CHODL: variants seen among roughly 807,000 people sequenced by gnomAD.
CHODL encodes the protein chondrolectin, also known as transmembrane protein MT75.
Under a neutral mutation model 34.5 loss-of-function variants are expected in CHODL, and 29 were observed. The ratio of observed to expected loss-of-function variants is 0.84; its 90% CI spans 0.63 to 1.15. The LOEUF (loss-of-function observed/expected upper bound fraction) is 1.15. Among genes scored for constraint, CHODL ranks in the 50% most tolerant of loss-of-function variants. The pLI is 0.00. For synonymous variants in CHODL, 125 were observed against 116.1 expected (o/e 1.08, Z -0.49); for missense variants, 332 against 332.5 (o/e 1.00, Z 0.01).
intron 1 of CHODL, among the ~76,000 whole-genome samples, chr21:17,992,082 T>C (rs1182669951): frequency 6.6e-6 from 1 of 152,182 alleles, no homozygotes; most frequent in East Asian, 1.9e-4. Context: ...GAAGAGACTG[T>C]CCTTTCTTCA....
chr21:18,233,925 CATA>C (rs2074005305), intron 2 of CHODL, among the ~76,000 whole-genome samples: 1 of 151,996 alleles, frequency 6.6e-6, no homozygotes, highest in South Asian at 2.1e-4. Context: ...ATGCAGAATG[CATA>C]ATATTTTAAT....
chr21:18,101,083 C>G (rs2065207308), intron 2 of CHODL, among the ~76,000 whole-genome samples: 1 of 152,044 alleles, frequency 6.6e-6, no homozygotes, highest in South Asian at 2.1e-4. Context: ...TGGGAGGGAC[C>G]CAGTGGGAGA....
At chr21:18,119,701 T>C (rs980391126) in intron 2 of CHODL, among the ~76,000 whole-genome samples, 1 of 152,106 alleles carries the variant, frequency 6.6e-6, no homozygotes, top group Non-Finnish European at 1.5e-5. Flanking sequence ...ATGGAGATTA[T>C]ATAATAGCAG....
chr21:18,205,988 G>A (rs370848747), intron 2 of CHODL, among the ~76,000 whole-genome samples: 1 of 151,924 alleles, frequency 6.6e-6, no homozygotes, highest in Admixed American at 6.6e-5. Context: ...ATTCCACTCT[G>A]GTCAGATAAG....
At chr21:18,154,469 G>A (rs191044818) in intron 2 of CHODL, among the ~76,000 whole-genome samples, 181 of 152,194 alleles carry the variant, frequency 1.2e-3, no homozygotes, top group African/African-American at 4.3e-3. Flanking sequence ...TATCATTCAT[G>A]TAAATATTAA....
Position 18,215,811 on chromosome 21 carries a change from G to A in CHODL, c.-44-40698G>A, listed in dbSNP as rs902193316. ...GAAGAGGCATACATCTGGAGAACTC[G>A]CTACTTCTATCTATGAGTTTACTCT... On this transcript the variant is annotated intron_variant, in intron 2 of 6. Coordinates refer to the CHODL transcript ENST00000400127. Among the ~76,000 whole-genome samples, 4 of 152,052 alleles carry A rather than the reference G, an allele frequency of 2.6e-5. No individual in the cohort carries two copies. The South Asian group carries it at 8.3e-4, about 31-fold the overall frequency.
chr21:18,022,488 C>T (rs372580985), intron 1 of CHODL: 8 of 152,174 alleles, frequency 5.3e-5, no homozygotes, highest in East Asian at 1.9e-4. Context: ...TCACAGGCTC[C>T]AGGCATTTGA....
chr21:18,157,884 G>C (rs1030523179), intron 2 of CHODL, among the ~76,000 whole-genome samples: 1 of 151,506 alleles, frequency 6.6e-6, no homozygotes, highest in Admixed American at 6.6e-5. Flanking sequence ...AACTTTCTGG[G>C]TTTACCATTT....
intron 2 of CHODL, among the ~76,000 whole-genome samples, chr21:18,213,801 G>A (rs937144840): frequency 6.6e-6 from 1 of 152,068 alleles, no homozygotes; most frequent in African/African-American, 2.4e-5. Context: ...GCAGGAAAAA[G>A]AGCTGAGACC....
intron 1 of CHODL, among the ~76,000 whole-genome samples, chr21:18,003,114 TC>T (rs2063925088): frequency 2.3e-5 from 3 of 129,552 alleles, no homozygotes; most frequent in South Asian, 4.8e-4. Context: ...ACAGCGAGAC[TC>T]CGTCTCAAAA....
chr21:18,050,150 C>T (rs971280595), intron 2 of CHODL, among the ~76,000 whole-genome samples: 10 of 151,972 alleles, frequency 6.6e-5, no homozygotes, highest in African/African-American at 1.7e-4. Flanking sequence ...AAACCTGCTT[C>T]GTGTGATCCT....
At chr21:18,075,738 G>A (rs2064856430) in intron 2 of CHODL, among the ~76,000 whole-genome samples, 1 of 152,174 alleles carries the variant, frequency 6.6e-6, no homozygotes, top group Admixed American at 6.5e-5. Flanking sequence ...CTCTATGTCT[G>A]CCTTTGCTAT....
chr21:18,078,474 G>C (rs111246939), intron 2 of CHODL, among the ~76,000 whole-genome samples: 6,508 of 152,232 alleles, frequency 0.043, 223 homozygotes, highest in Non-Finnish European at 0.063. Context: ...AAATTTGAGT[G>C]GGGACACAGC....
intron 1 of CHODL, among the ~76,000 whole-genome samples, chr21:17,957,072 G>T (rs1227538497): frequency 6.6e-6 from 1 of 151,976 alleles, no homozygotes; most frequent in African/African-American, 2.4e-5. Flanking sequence ...ATCACATTGG[G>T]GATTAGGTTT....
At position 18,245,207 on chromosome 21, in the gene CHODL, G is replaced by T; in HGVS notation, c.-17G>T. 1 of 1,518,220 alleles carries T rather than the reference G, an allele frequency of 6.6e-7. No individual in the cohort carries two copies. Among genetic ancestry groups the T allele is most frequent in the Non-Finnish European group, 8.8e-7 (1 of 1,140,050 alleles). The allele number at this position is 1,518,220 out of a possible 1,614,324, so 94.0% of individuals were successfully genotyped here. A position where few individuals can be genotyped will look rare whatever the true frequency, so the allele number is the denominator to read the frequency against. On this transcript the variant is annotated 5_prime_UTR_variant, in exon 1 of 6. Transcript: ENST00000299295. ...GCCCTCGCTCCACGCAACACCTGCT[G>T]CTGCCACCGCGCCGCGATGAGCCGC...
upstream of CHODL, among the ~76,000 whole-genome samples, chr21:18,243,542 A>G (rs1193950786): frequency 1.4e-5 from 2 of 146,084 alleles, no homozygotes; most frequent in African/African-American, 2.7e-5. Flanking sequence ...TTATTTTAGA[A>G]TTCTATTTTT....
intron 5 of CHODL, among the ~76,000 whole-genome samples, chr21:18,264,815 C>T (rs752036838): frequency 1.3e-5 from 2 of 151,934 alleles, no homozygotes; most frequent in Non-Finnish European, 2.9e-5. Context: ...TGTTATGTTA[C>T]CAAAGCATGA....
intron 1 of CHODL, among the ~76,000 whole-genome samples, chr21:17,950,511 CACACACACACACACACACACACACTT>C (rs1328906081): frequency 1.6e-5 from 2 of 123,054 alleles, no homozygotes; most frequent in Admixed American, 1.7e-4. Context: ...CACACACACA[CACACACACACACACACACACACACTT>C]CTTTAAAGCC....
chr21:18,048,405 A>G (rs1414081382), intron 2 of CHODL, among the ~76,000 whole-genome samples: 1 of 151,950 alleles, frequency 6.6e-6, no homozygotes, highest in Non-Finnish European at 1.5e-5. Flanking sequence ...ATTAAAAAAC[A>G]ATGAGACATG....
Sources: allele counts gnomAD v4.1 joint callset (sites outside exome capture counted in the v4.1 genomes callset), GRCh38; gene constraint gnomAD v4.1.1; transcripts MANE v1.5; gene names NCBI Gene and HGNC (gene_info 2026-07-23, HGNC 2026-07-21).